POLR2M: variants seen among roughly 807,000 people sequenced by gnomAD.
The protein encoded by POLR2M is RNA polymerase II subunit M.
A neutral mutation model predicts 34.6 loss-of-function variants in POLR2M; 30 were observed. The observed-to-expected ratio is 0.87, with a 90% CI of 0.65 to 1.18. The LOEUF is 1.18. Among genes scored for constraint, POLR2M ranks in the 50% most tolerant of loss-of-function variants. The pLI is 0.00. For synonymous variants in POLR2M, 150 were observed against 166.7 expected, an observed-to-expected ratio of 0.90 and a Z score of 0.77; for missense variants, 432 against 448.7, an observed-to-expected ratio of 0.96 and a Z score of 0.34.
Position 57,714,773 on chromosome 15 carries a change from A to C in POLR2M, c.*94A>C. ...GATCAGTGTCAGATATTGTTGAGGGAAGTAATTTTATAAAGTTACACAAAG... is the reference window on the plus strand; with the variant it reads ...GATCAGTGTCAGATATTGTTGAGGGCAGTAATTTTATAAAGTTACACAAAG... On this transcript the variant is annotated 3_prime_UTR_variant, in exon 4 of 4. Coordinates refer to ENST00000299638, the MANE Select transcript of POLR2M (RefSeq NM_015532.5). 10 of 1,531,346 alleles carry C rather than the reference A, an allele frequency of 6.5e-6. No individual in the cohort carries two copies. Among genetic ancestry groups the C allele is most frequent in the Non-Finnish European group, 7.9e-6 (9 of 1,140,916 alleles). 94.9% of individuals were successfully genotyped at this position (1,531,346 alleles called of 1,614,324 possible). A position where few individuals can be genotyped will look rare whatever the true frequency, so the allele number is the denominator to read the frequency against.
intron 3 of POLR2M, among the ~76,000 whole-genome samples, chr15:57,713,420 A>C (rs546412615): frequency 8.6e-4 from 122 of 141,810 alleles, no homozygotes; most frequent in African/African-American, 3.3e-3. Context: ...TAAACCCTTC[A>C]TCTTTAAATT....
rs1189063844 is a variant in POLR2M at position 57,717,076 on chromosome 15, T to G, written c.*2397T>G. ...AGGGATTTGATTTTATTTCGAAGAA[T>G]TTACCAATTGGTTCAGTATGTGAAA... On this transcript the variant is annotated 3_prime_UTR_variant, in exon 4 of 4. Coordinates refer to ENST00000299638, the MANE Select transcript of POLR2M (RefSeq NM_015532.5). The G allele has an allele frequency of 6.6e-6, 1 of 152,190 alleles. No individual in the cohort carries two copies. Among genetic ancestry groups the G allele is most frequent in the African/African-American group, 2.4e-5 (1 of 41,456 alleles). 9.4% of individuals were successfully genotyped at this position (152,190 alleles called of 1,614,324 possible). A position where few individuals can be genotyped will look rare whatever the true frequency, so the allele number is the denominator to read the frequency against.
At chr15:57,709,389 G>A in intron 2 of POLR2M, 31 bp downstream of exon 2, 1 of 1,577,404 alleles carries the variant, frequency 6.3e-7, no homozygotes, top group Non-Finnish European at 8.6e-7. Flanking sequence ...GCCTGTAACA[G>A]GAACGTGATA....
At chr15:57,706,999 C>G (rs114392733) in intron 1 of POLR2M, 44 bp downstream of exon 1, 18,603 of 1,553,802 alleles carry the variant, frequency 0.012, 162 homozygotes, top group African/African-American at 0.033. Flanking sequence ...TCCTTCAGCT[C>G]GAGCTCCCTG....
chr15:57,708,370 A>G (rs2040576076), intron 1 of POLR2M, among the ~76,000 whole-genome samples: 1 of 151,812 alleles, frequency 6.6e-6, no homozygotes, highest in South Asian at 2.1e-4. Flanking sequence ...CCATCCCCAC[A>G]CTCCACCCCA....
chr15:57,708,292 C>G (rs189512623), intron 1 of POLR2M, among the ~76,000 whole-genome samples: 1 of 152,266 alleles, frequency 6.6e-6, no homozygotes, highest in Admixed American at 6.5e-5. Context: ...TCCACTGTAC[C>G]CATGCGAGAA....
At chr15:57,713,729 A>G (rs1455409612) in intron 3 of POLR2M, among the ~76,000 whole-genome samples, 1 of 150,002 alleles carries the variant, frequency 6.7e-6, no homozygotes, top group Non-Finnish European at 1.5e-5. Context: ...TCATTTTGCC[A>G]TTGAAATGTA....
At chr15:57,707,338 G>A (rs1468021352) in intron 1 of POLR2M, 2 of 720,202 alleles carry the variant, frequency 2.8e-6, no homozygotes, top group African/African-American at 1.7e-5. Context: ...TACAGGAACC[G>A]TAGGAAATGG....
rs2040732176 is a variant in POLR2M at position 57,711,861 on chromosome 15, A to G, written c.759-123A>G. 9 of 1,175,366 alleles carry G rather than the reference A, an allele frequency of 7.7e-6. No homozygotes were observed. The South Asian group carries it at 1.2e-4, about 16-fold the overall frequency. The allele number at this position is 1,175,366 out of a possible 1,614,324, so 72.8% of individuals were successfully genotyped here. On this transcript the variant is annotated intron_variant, in intron 2 of 3. Coordinates refer to ENST00000299638, the MANE Select transcript of POLR2M (RefSeq NM_015532.5). The stretch of plus-strand genomic sequence containing the variant: ...TTGTTAGAGCAATGAATACTGGTAA[A>G]TTACTTACTGTTACCTTTGGAGGAG...
Position 57,713,546 on chromosome 15 carries a change from A to C in POLR2M, c.964-990A>C, listed in dbSNP as rs140826075. On this transcript the variant is annotated intron_variant, in intron 3 of 3. Coordinates refer to ENST00000299638, the MANE Select transcript of POLR2M (RefSeq NM_015532.5). ...CAAGAAAGCATGAGAAAAGGGAAGA[A>C]CTGAATTAGGAATGACATTGCCACC... is the stretch of plus-strand genomic sequence containing the variant. Among the ~76,000 whole-genome samples, 6 of 152,320 alleles carry C rather than the reference A, an allele frequency of 3.9e-5. No individual in the cohort carries two copies. The East Asian group carries it at 1.2e-3, about 29-fold the overall frequency.
chr15:57,710,347 A>G (rs538007977), intron 2 of POLR2M, among the ~76,000 whole-genome samples: 22 of 152,376 alleles, frequency 1.4e-4, no homozygotes, highest in African/African-American at 5.3e-4. Flanking sequence ...GGTAACTGGT[A>G]CCTTCTTCCT....
Position 57,709,260 on chromosome 15 carries a change from C to A in POLR2M, c.660C>A (p.Gly220=). 6.2e-7 allele frequency: 1 copy of A among 1,614,160 alleles called. No individual in the cohort carries two copies. Among genetic ancestry groups the A allele is most frequent in the Non-Finnish European group, 8.5e-7 (1 of 1,180,024 alleles). The change falls in exon 2 of 4, where the codon GGC becomes GGA. Residue 220 remains glycine (G), a synonymous_variant. Transcript: ENST00000299638. ...ACGCAAGTACTAAGAACTTGACAGGCCTTTCCAGTGGGACTGAGAAGAAAC... is the reference window on the plus strand; with the variant it reads ...ACGCAAGTACTAAGAACTTGACAGGACTTTCCAGTGGGACTGAGAAGAAAC... ...EENASTKNLT[G]LSSGTEKKPH...
chr15:57,713,820 C>CTTTTTTTTTTTTTTTTTT (rs869161314), intron 3 of POLR2M, among the ~76,000 whole-genome samples: 1 of 65,568 alleles, frequency 1.5e-5, no homozygotes. Context: ...ATTAGTCCTT[C>CTTTTTTTTTTTTTTTTTT]TTTTTTTTTT....
rs2040984725 is a variant in POLR2M, at chr15:57,717,302, A to G, written c.*2623A>G. On this transcript the variant is annotated 3_prime_UTR_variant, in exon 4 of 4. Transcript: ENST00000299638. ...ATTTTGTGAAATATAACTTACAAAT[A>G]AGTACTTAAAACAGAGCTTAATGGG... 6.6e-6 allele frequency: 1 copy of G among 152,194 alleles called. No homozygotes were observed. The highest frequency in any genetic ancestry group is 2.1e-4 in the South Asian group (1 of 4,836). 9.4% of individuals were successfully genotyped at this position (152,194 alleles called of 1,614,324 possible). A position where few individuals can be genotyped will look rare whatever the true frequency, so the allele number is the denominator to read the frequency against.
chr15:57,710,186 T>G (rs1461880813), intron 2 of POLR2M, among the ~76,000 whole-genome samples: 1 of 151,864 alleles, frequency 6.6e-6, no homozygotes, highest in East Asian at 1.9e-4. Flanking sequence ...GAGAAGAGGT[T>G]TGAAAAACTG....
chr15:57,713,069 C>T (rs1210883430), intron 3 of POLR2M, among the ~76,000 whole-genome samples: 1 of 151,960 alleles, frequency 6.6e-6, no homozygotes, highest in Admixed American at 6.6e-5. Context: ...GGGCATGCAA[C>T]TGTGGTTCCA....
At chr15:57,714,503 G>C (rs188421975) in intron 3 of POLR2M, 33 bp from the exon 4 acceptor site, 2 of 1,609,942 alleles carry the variant, frequency 1.2e-6, no homozygotes, top group South Asian at 1.1e-5. Context: ...AGATGTGAAC[G>C]TGTAACTTTG....
intron 3 of POLR2M, among the ~76,000 whole-genome samples, chr15:57,713,528 G>A (rs1014917773): frequency 2.0e-5 from 3 of 152,076 alleles, no homozygotes; most frequent in Non-Finnish European, 2.9e-5. Flanking sequence ...GTTCAAGAAA[G>A]CATGAGAAAA....
chr15:57,708,634 A>T, intron 1 of POLR2M, 80 bp from the exon 2 acceptor site: 1 of 1,303,498 alleles, frequency 7.7e-7, no homozygotes, highest in Non-Finnish European at 1.0e-6. Flanking sequence ...TTCTTTGAAG[A>T]TAATGCCTTG....
Sources: gnomAD v4.1 joint callset for allele counts (sites outside exome capture counted in the v4.1 genomes callset) on GRCh38, gnomAD v4.1.1 for gene constraint, MANE v1.5 for transcripts, NCBI Gene and HGNC (gene_info 2026-07-23, HGNC 2026-07-21) for gene names.